WWP1: variants seen among roughly 807,000 people sequenced by gnomAD.
WWP1 encodes the protein WW domain containing E3 ubiquitin protein ligase 1.
A neutral mutation model predicts 130.6 loss-of-function variants in WWP1; 49 were observed. The observed-to-expected ratio is 0.38, with a 90% confidence interval of 0.30 to 0.48. WWP1 has a LOEUF of 0.48. Ranked by LOEUF, WWP1 falls within the 20% of genes least tolerant of loss-of-function variation. WWP1 has a pLI of 0.99. For synonymous variants in WWP1, 332 were observed against 367.8 expected (o/e 0.90, Z 1.11); for missense variants, 809 against 1,100.6 (o/e 0.74, Z 3.75).
chr8:86,357,843 C>T (rs1823348527), intron 1 of WWP1, among the ~76,000 whole-genome samples: 1 of 152,178 alleles, frequency 6.6e-6, no homozygotes, highest in African/African-American at 2.4e-5. Context: ...CCTGACATAC[C>T]TCCATGGAAC....
At chr8:86,424,014 A>G (rs1184601415) in intron 9 of WWP1, among the ~76,000 whole-genome samples, 1 of 96,556 alleles carries the variant, frequency 1.0e-5, no homozygotes, top group Admixed American at 1.0e-4. Context: ...CGGACGGGGC[A>G]GCTGCCGGGC....
At chr8:86,395,500 A>G (rs1807609710) in intron 5 of WWP1, among the ~76,000 whole-genome samples, 3 of 152,180 alleles carry the variant, frequency 2.0e-5, no homozygotes, top group Admixed American at 2.0e-4. Context: ...AAGAGAGCAA[A>G]GAGAAAAGTC....
chr8:86,359,164 G>A (rs1283411680), intron 1 of WWP1, among the ~76,000 whole-genome samples: 2 of 152,174 alleles, frequency 1.3e-5, no homozygotes, highest in African/African-American at 2.4e-5. Context: ...CTTTTCTTCT[G>A]GAGAATCATC....
chr8:86,367,612 G>A (rs1824043823), intron 1 of WWP1, among the ~76,000 whole-genome samples: 1 of 152,084 alleles, frequency 6.6e-6, no homozygotes, highest in Non-Finnish European at 1.5e-5. Context: ...TCAAAGGGTT[G>A]GACTAACATA....
At chr8:86,363,661 G>T (rs563278650) in intron 1 of WWP1, among the ~76,000 whole-genome samples, 10 of 151,922 alleles carry the variant, frequency 6.6e-5, no homozygotes, top group Admixed American at 6.6e-4. Context: ...AATTAGCCGG[G>T]TGTGGGCACC....
intron 5 of WWP1, among the ~76,000 whole-genome samples, chr8:86,385,520 G>T (rs1825232254): frequency 6.6e-6 from 1 of 152,172 alleles, no homozygotes. Flanking sequence ...TGGTGTGAAT[G>T]AATGGCAGAA....
At chr8:86,451,153 C>A (rs1811150396) in intron 20 of WWP1, among the ~76,000 whole-genome samples, 1 of 138,056 alleles carries the variant, frequency 7.2e-6, no homozygotes, top group African/African-American at 2.7e-5. Flanking sequence ...GGGAAGATCA[C>A]CTAAGCCCAG....
In WWP1 at chr8:86,425,332, C is replaced by T. The variant is rs1563521189; in HGVS notation, c.1157+14C>T. The T allele has an allele frequency of 3.8e-6, 6 of 1,570,362 alleles. No individual in the cohort carries two copies. The highest frequency in any genetic ancestry group is 5.2e-6 in the Non-Finnish European group (6 of 1,154,002). ...TTTACCTCCAGGGTAATATAGCACT[C>T]TTTATGCATTTGTAATTATATTTTA... is the stretch of plus-strand genomic sequence containing the variant. On this transcript the variant is annotated intron_variant, in intron 10 of 24. Coordinates refer to ENST00000517970, the MANE Select transcript of WWP1 (RefSeq NM_007013.4).
intron 5 of WWP1, among the ~76,000 whole-genome samples, chr8:86,387,935 T>A (rs1222378507): frequency 6.6e-6 from 1 of 152,252 alleles, no homozygotes; most frequent in Non-Finnish European, 1.5e-5. Context: ...GCAGTGATGG[T>A]TATATTCTGT....
At chr8:86,386,906 C>T (rs1825317470) in intron 5 of WWP1, 1 of 152,178 alleles carries the variant, frequency 6.6e-6, no homozygotes, top group Non-Finnish European at 1.5e-5. Flanking sequence ...GTTCCTGTTT[C>T]CAAGATGGCA....
intron 16 of WWP1, among the ~76,000 whole-genome samples, chr8:86,438,283 CAG>C (rs1810406964): frequency 6.6e-6 from 1 of 152,148 alleles, no homozygotes; most frequent in South Asian, 2.1e-4. Context: ...CTTGTTGTCT[CAG>C]GGGTGGCAGA....
At chr8:86,394,808 C>T (rs551291784) in intron 5 of WWP1, among the ~76,000 whole-genome samples, 1 of 152,056 alleles carries the variant, frequency 6.6e-6, no homozygotes, top group African/African-American at 2.4e-5. Context: ...CTCAATCTTC[C>T]ATGTTCAGAA....
rs1234436551 is a variant in WWP1 at position 86,398,264 on chromosome 8, T to G, written c.335-78T>G. The G allele has an allele frequency of 1.3e-5, 19 of 1,459,746 alleles. No homozygotes were observed. In the Middle Eastern group the frequency reaches 1.0e-3, roughly 80 times the overall value. The allele number at this position is 1,459,746 out of a possible 1,614,324, so 90.4% of individuals were successfully genotyped here. The stretch of plus-strand genomic sequence containing the variant: ...ATGTCAAGTACTGAATTAGAGTGAT[T>G]CTTGAAATGTAGGTTTGATTTCTGA... On this transcript the variant is annotated intron_variant, in intron 5 of 24. Coordinates refer to ENST00000517970, the MANE Select transcript of WWP1 (RefSeq NM_007013.4).
intron 1 of WWP1, among the ~76,000 whole-genome samples, chr8:86,356,885 A>T (rs1479749925): frequency 6.6e-6 from 1 of 152,190 alleles, no homozygotes; most frequent in Non-Finnish European, 1.5e-5. Context: ...ATATTGTTGC[A>T]AGGTTGTTTC....
intron 9 of WWP1, among the ~76,000 whole-genome samples, chr8:86,421,222 T>C (rs1214616322): frequency 6.6e-6 from 1 of 151,796 alleles, no homozygotes; most frequent in African/African-American, 2.4e-5. Context: ...AGTGTTCCAG[T>C]GTAGGATATA....
intron 9 of WWP1, among the ~76,000 whole-genome samples, chr8:86,413,108 G>A (rs189389465): frequency 2.8e-4 from 42 of 152,280 alleles, no homozygotes; most frequent in African/African-American, 1.0e-3. Flanking sequence ...TTACAGGTGT[G>A]AGCCACCATG....
chr8:86,426,243 G>C (rs959100857), intron 10 of WWP1, among the ~76,000 whole-genome samples: 6 of 152,156 alleles, frequency 3.9e-5, no homozygotes, highest in Non-Finnish European at 7.4e-5. Flanking sequence ...CATTCATTGA[G>C]TGCCATGACT....
chr8:86,398,062 T>C (rs974669628), intron 5 of WWP1, among the ~76,000 whole-genome samples: 3 of 152,196 alleles, frequency 2.0e-5, no homozygotes, highest in African/African-American at 7.2e-5. Context: ...TGTGGTACCT[T>C]GAGCTGAAAA....
In WWP1 at chr8:86,451,214, T is replaced by TAAAAAA. The variant is rs61141803; in HGVS notation, c.2274-1311_2274-1306dup. Among the ~76,000 whole-genome samples, 170 of 43,662 alleles carry TAAAAAA rather than the reference T, an allele frequency of 3.9e-3. 10 individuals are homozygous for TAAAAAA. The highest frequency in any genetic ancestry group is 5.5e-3 in the Non-Finnish European group (130 of 23,612). 28.6% of individuals were successfully genotyped at this position (43,662 alleles called of 152,430 possible). ...GCAACCGAGTGAGACCCTATGTTATTAAAAAAAAAAAAAAAAAAAAAAAAA... is the reference window on the plus strand; with the variant it reads ...GCAACCGAGTGAGACCCTATGTTATTAAAAAAAAAAAAAAAAAAAAAAAAAAAAAAA... On this transcript the variant is annotated intron_variant, in intron 20 of 24. Transcript: ENST00000517970.
Sources: gnomAD v4.1 joint callset for allele counts (sites outside exome capture counted in the v4.1 genomes callset) on GRCh38, gnomAD v4.1.1 for gene constraint, MANE v1.5 for transcripts, NCBI Gene and HGNC (gene_info 2026-07-23, HGNC 2026-07-21) for gene names.